DYNC2I1: variants seen among roughly 807,000 people sequenced by gnomAD.
DYNC2I1 encodes dynein 2 intermediate chain 1.
A neutral mutation model predicts 133.4 loss-of-function variants in DYNC2I1; 89 were observed. The ratio of observed to expected loss-of-function variants is 0.67; its 90% confidence interval spans 0.56 to 0.80. The LOEUF is 0.80. Among genes scored for constraint, DYNC2I1 ranks in the 30% least tolerant of loss-of-function variants. DYNC2I1 has a pLI of 0.00. For synonymous variants in DYNC2I1, 504 were observed against 484.3 expected (o/e 1.04, Z -0.54); for missense variants, 1,291 against 1,314.5 (o/e 0.98, Z 0.28).
intron 5 of DYNC2I1, among the ~76,000 whole-genome samples, chr7:158,882,226 C>A (rs1046003287): frequency 2.0e-5 from 3 of 152,104 alleles, no homozygotes; most frequent in African/African-American, 7.2e-5. Flanking sequence ...ACAAAAATTA[C>A]TGTTCTTATG....
intron 14 of DYNC2I1, among the ~76,000 whole-genome samples, chr7:158,915,542 C>T (rs201850457): frequency 0.013 from 759 of 59,232 alleles, no homozygotes; most frequent in African/African-American, 0.055. Flanking sequence ...AACCTCGACA[C>T]GGTGGTTGAG....
chr7:158,894,026 AC>A (rs1475265943), intron 8 of DYNC2I1, among the ~76,000 whole-genome samples: 1 of 152,104 alleles, frequency 6.6e-6, no homozygotes, highest in East Asian at 1.9e-4. Context: ...TGCATATCCT[AC>A]CACATATCAT....
At chr7:158,888,696 C>G (rs547358207) in intron 7 of DYNC2I1, among the ~76,000 whole-genome samples, 1 of 151,412 alleles carries the variant, frequency 6.6e-6, no homozygotes, top group South Asian at 2.1e-4. Flanking sequence ...TCTTGAACTC[C>G]TGACCTTAGG....
At chr7:158,883,949 CCA>C (rs940780849) in intron 5 of DYNC2I1, among the ~76,000 whole-genome samples, 9 of 151,768 alleles carry the variant, frequency 5.9e-5, no homozygotes, top group African/African-American at 2.2e-4. Flanking sequence ...CAAGCGTGAG[CCA>C]CCGCGCCCGG....
chr7:158,882,467 C>T (rs1844133026), intron 5 of DYNC2I1, among the ~76,000 whole-genome samples: 1 of 151,334 alleles, frequency 6.6e-6, no homozygotes, highest in Non-Finnish European at 1.5e-5. Flanking sequence ...GCTGTAGTCC[C>T]AGCTACTACA....
intron 5 of DYNC2I1, among the ~76,000 whole-genome samples, chr7:158,883,725 G>A (rs1200512671): frequency 2.2e-5 from 3 of 136,288 alleles, no homozygotes; most frequent in African/African-American, 8.4e-5. Flanking sequence ...GTGCATTGGC[G>A]CAATCTCGGC....
intron 21 of DYNC2I1, 79 bp from the exon 22 acceptor site, chr7:158,934,050 G>A: frequency 1.0e-6 from 1 of 982,936 alleles, no homozygotes; most frequent in Non-Finnish European, 1.6e-6. Context: ...GTATTGTAGT[G>A]CAAATCAGTG....
chr7:158,934,557 AGTTT>A lies in DYNC2I1; in HGVS notation c.2778+13_2778+16del. 1 of 1,550,188 alleles carries A rather than the reference AGTTT, an allele frequency of 6.5e-7. No individual in the cohort carries two copies. The highest frequency in any genetic ancestry group is 1.2e-5 in the South Asian group (1 of 83,516). On this transcript the variant is annotated intron_variant, in intron 23 of 24. Transcript: ENST00000407559. ...GGAGAACCAATATTTTTGGTAAGAA[AGTTT>A]GTTTTTCAGAGCTCCAATTCTTCTT...
In DYNC2I1 at chr7:158,922,571, G is replaced by C. The variant is rs79349974; in HGVS notation, c.2094+22G>C. ...CCAGGTACAGCTCAGGATGAGAGTCGCACGTTTGATGGGAGGATGGGCAGT... is the reference window on the plus strand; with the variant it reads ...CCAGGTACAGCTCAGGATGAGAGTCCCACGTTTGATGGGAGGATGGGCAGT... On this transcript the variant is annotated intron_variant, in intron 16 of 24. Transcript: ENST00000407559. 0.027 allele frequency: 44,120 copies of C among 1,608,480 alleles called. 767 individuals are homozygous for C. Among genetic ancestry groups the C allele is most frequent in the Admixed American group, 0.059 (3,501 of 59,274 alleles).
At chr7:158,873,000 A>C (rs1843015476) in intron 3 of DYNC2I1, among the ~76,000 whole-genome samples, 1 of 151,900 alleles carries the variant, frequency 6.6e-6, no homozygotes, top group African/African-American at 2.4e-5. Flanking sequence ...AAAAAAAAAA[A>C]CCCAAAAAAC....
At chr7:158,845,700 GAAATA>G in the DYNC2I1 span, among the ~76,000 whole-genome samples, 7 of 152,250 alleles carry the variant, frequency 4.6e-5, no homozygotes, top group African/African-American at 1.7e-4. Context: ...GGTTGACAGG[GAAATA>G]ACTTTAAATG....
At chr7:158,921,353 G>A (rs973717657) in intron 15 of DYNC2I1, among the ~76,000 whole-genome samples, 3 of 152,156 alleles carry the variant, frequency 2.0e-5, no homozygotes, top group African/African-American at 7.2e-5. Context: ...TCGGGGCAGC[G>A]ATGGGTCAGG....
chr7:158,933,910 T>C (rs1223186182), intron 21 of DYNC2I1, among the ~76,000 whole-genome samples: 1 of 152,218 alleles, frequency 6.6e-6, no homozygotes, highest in African/African-American at 2.4e-5. Context: ...AGATTAGATA[T>C]AGCTGAAGAA....
At chr7:158,916,543 GA>G (rs1848328055) in intron 14 of DYNC2I1, among the ~76,000 whole-genome samples, 1 of 57,028 alleles carries the variant, frequency 1.8e-5, no homozygotes, top group Non-Finnish European at 4.0e-5. Context: ...CATTAAGGAT[GA>G]TTGTGAAACG....
chr7:158,944,685 A>AC (rs1043547910), intron 24 of DYNC2I1, among the ~76,000 whole-genome samples: 2 of 151,658 alleles, frequency 1.3e-5, no homozygotes, highest in African/African-American at 4.8e-5. Context: ...TGTGATTTTC[A>AC]CCCCTGTAGT....
chr7:158,918,757 G>A lies in DYNC2I1; in HGVS notation c.1809G>A (p.Leu603=), dbSNP rs763707976. Residue 603 remains leucine (L), a synonymous_variant, in exon 15 of 25, where the codon CTG becomes CTA. Transcript: ENST00000407559. ...TCTGACAGGTGATGGCCGTTTTGCTGGAAGAGGATCGCTTGGCAGCTGAAC... is the reference window on the plus strand; with the variant it reads ...TCTGACAGGTGATGGCCGTTTTGCTAGAAGAGGATCGCTTGGCAGCTGAAC... ...RAACQVMAVL[L]EEDRLAAEPS... 6.2e-7 allele frequency: 1 copy of A among 1,613,774 alleles called. No homozygotes were observed. The highest frequency in any genetic ancestry group is 8.5e-7 in the Non-Finnish European group (1 of 1,179,828).
intron 8 of DYNC2I1, among the ~76,000 whole-genome samples, chr7:158,894,446 TTG>T (rs1377890564): frequency 2.0e-5 from 3 of 152,246 alleles, no homozygotes; most frequent in Non-Finnish European, 4.4e-5. Context: ...ATCATACTGT[TTG>T]TAGCCTTTTC....
chr7:158,860,817 G>GTGATGTGAGA (rs575176467), intron 1 of DYNC2I1, among the ~76,000 whole-genome samples: 47 of 152,300 alleles, frequency 3.1e-4, no homozygotes, highest in African/African-American at 9.6e-4. Flanking sequence ...TGTGAGATAT[G>GTGATGTGAGA]TACTAGTGAT....
chr7:158,903,394 T>C (rs1488335724), intron 10 of DYNC2I1: 2 of 152,212 alleles, frequency 1.3e-5, no homozygotes, highest in Non-Finnish European at 2.9e-5. Context: ...AATATTAAAA[T>C]ACTATTTGAT....
Sources: gnomAD v4.1 joint callset for allele counts (sites outside exome capture counted in the v4.1 genomes callset) on GRCh38, gnomAD v4.1.1 for gene constraint, MANE v1.5 for transcripts, NCBI Gene and HGNC (gene_info 2026-07-23, HGNC 2026-07-21) for gene names.